SPEF2: variants seen among roughly 807,000 people sequenced by gnomAD.
SPEF2 encodes sperm flagellar and cilia associated 2.
SPEF2 carries 187 observed loss-of-function variants against 224.6 expected under a neutral mutation model. The observed-to-expected ratio is 0.83, with a 90% CI of 0.74 to 0.94. SPEF2 has a LOEUF of 0.94. Ranked by LOEUF, SPEF2 falls within the 40% of genes least tolerant of loss-of-function variation. The pLI, the probability that SPEF2 is intolerant of heterozygous loss-of-function variation, is 0.00. For missense variants in SPEF2, 2,170 were observed against 2,135.6 expected (o/e 1.02, Z -0.32); for synonymous variants, 715 against 707.3 (o/e 1.01, Z -0.17).
intron 16 of SPEF2, chr5:35,702,217 C>T (rs1042302459): frequency 2.2e-6 from 1 of 456,106 alleles, no homozygotes; most frequent in Non-Finnish European, 4.4e-6. Flanking sequence ...TGCAGTTCTG[C>T]AGTGCTCGGG....
At chr5:35,649,691 A>G (rs1351854557) in intron 6 of SPEF2, among the ~76,000 whole-genome samples, 1 of 152,262 alleles carries the variant, frequency 6.6e-6, no homozygotes, top group African/African-American at 2.4e-5. Flanking sequence ...AAGTTCACAC[A>G]TATTTTTTAA....
At position 35,768,077 on chromosome 5, in the gene SPEF2, T is replaced by A. The variant is rs540913543; in HGVS notation, c.3802-3532T>A. 4.6e-5 allele frequency among the ~76,000 whole-genome samples: 7 copies of A among 152,310 alleles called. No homozygotes were observed. The South Asian group carries it at 6.2e-4, about 14-fold the overall frequency. On this transcript the variant is annotated intron_variant, in intron 26 of 36. Coordinates refer to ENST00000356031, the MANE Select transcript of SPEF2 (RefSeq NM_024867.4). ...TGTTTTGTAATCTGTATTTTGTTAG[T>A]TGTTAGTCTGAATACTTAACTAGAT...
chr5:35,644,746 G>C (rs980958535), intron 4 of SPEF2, among the ~76,000 whole-genome samples: 3 of 151,980 alleles, frequency 2.0e-5, no homozygotes, highest in Non-Finnish European at 4.4e-5. Context: ...CTGAGAACAA[G>C]AACTGCCATC....
At chr5:35,785,340 A>G (rs552777435) in intron 30 of SPEF2, among the ~76,000 whole-genome samples, 1 of 146,344 alleles carries the variant, frequency 6.8e-6, no homozygotes, top group South Asian at 2.3e-4. Context: ...ATGTGTCTTC[A>G]GAATGAAACA....
Position 35,704,594 on chromosome 5 carries a change from T to A in SPEF2, c.2439T>A (p.Ser813Arg). Residue 813 changes from serine to arginine, a missense_variant, in exon 17 of 37, where the codon AGT (serine) becomes AGA (arginine). Ser to Arg is a moderately radical substitution (Grantham distance 110). Transcript: ENST00000356031. ...LSYKTAHEDI[S>R]QRVAAENQDK... ...ATAAAACTGCTCACGAAGATATCAG[T>A]CAACGTGTAGCTGCTGAAAACCAAG... 6.2e-7 allele frequency: 1 copy of A among 1,612,956 alleles called. No individual in the cohort carries two copies. The highest frequency in any genetic ancestry group is 1.7e-5 in the Admixed American group (1 of 59,940).
intron 30 of SPEF2, chr5:35,788,585 A>G: frequency 1.4e-6 from 1 of 702,952 alleles, no homozygotes; most frequent in Non-Finnish European, 2.6e-6. Context: ...TCCTCTGGCA[A>G]TAAAAAATGC....
chr5:35,755,755 G>A (rs563429348), intron 24 of SPEF2, among the ~76,000 whole-genome samples: 1,875 of 152,036 alleles, frequency 0.012, 20 homozygotes, highest in Non-Finnish European at 0.02. Context: ...GATTACAGGC[G>A]CCCACCACCA....
At position 35,787,878 on chromosome 5, in the gene SPEF2, C is replaced by T. The variant is rs571413848; in HGVS notation, c.4448-4462C>T. On this transcript the variant is annotated intron_variant, in intron 30 of 36. Transcript: ENST00000356031. Reference sequence around the variant, plus strand: ...AGTTATTTTAAAGGCAGGAATCCTTCGGATGGTGTGAATAGAGTCACCGAA... The same window carrying T: ...AGTTATTTTAAAGGCAGGAATCCTTTGGATGGTGTGAATAGAGTCACCGAA... The T allele has an allele frequency of 4.7e-5, 27 of 576,526 alleles. No individual in the cohort carries two copies. In the African/African-American group the frequency reaches 4.8e-4, roughly 10 times the overall value. 35.7% of individuals were successfully genotyped at this position (576,526 alleles called of 1,614,324 possible). A position where few individuals can be genotyped will look rare whatever the true frequency, so the allele number is the denominator to read the frequency against.
chr5:35,763,243 C>T (rs1483934092), intron 25 of SPEF2, among the ~76,000 whole-genome samples: 3 of 152,178 alleles, frequency 2.0e-5, no homozygotes, highest in East Asian at 3.8e-4. Context: ...ATAATGGCCA[C>T]TGTCTAATCC....
intron 8 of SPEF2, among the ~76,000 whole-genome samples, chr5:35,662,661 C>G (rs1181452085): frequency 6.6e-6 from 1 of 152,074 alleles, no homozygotes; most frequent in African/African-American, 2.4e-5. Flanking sequence ...GCCAGTTATC[C>G]CAGCACCATC....
intron 23 of SPEF2, among the ~76,000 whole-genome samples, chr5:35,752,360 C>T (rs952834169): frequency 3.3e-5 from 5 of 152,136 alleles, no homozygotes; most frequent in African/African-American, 1.2e-4. Context: ...GAAGTCATGG[C>T]TCATTGCAGC....
At chr5:35,728,692 A>G (rs1745094263) in intron 21 of SPEF2, among the ~76,000 whole-genome samples, 5 of 152,212 alleles carry the variant, frequency 3.3e-5, no homozygotes, top group Admixed American at 3.3e-4. Flanking sequence ...CAATGTATTC[A>G]ACACAAACAC....
At chr5:35,742,719 G>T (rs755178481) in intron 23 of SPEF2, among the ~76,000 whole-genome samples, 2 of 151,790 alleles carry the variant, frequency 1.3e-5, no homozygotes, top group Non-Finnish European at 2.9e-5. Context: ...AGCATGCTCT[G>T]TTCCTTACTG....
In SPEF2 at chr5:35,692,605, G is replaced by A. The variant is rs1432928287; in HGVS notation, c.1780G>A (p.Val594Ile). Residue 594 changes from valine (V) to isoleucine (I), a missense_variant, in exon 12 of 37, where the codon GTC becomes ATC. Coordinates refer to ENST00000356031, the MANE Select transcript of SPEF2 (RefSeq NM_024867.4). ...ACAGATACTTTCTATTGACACTCTT[G>A]TCCAAGAAGCTATCCAAGCATTTCA... ...PIQILSIDTL[V>I]QEAIQAFHDN... is the part of the protein sequence containing the mutation. The A allele has an allele frequency of 1.2e-6, 2 of 1,613,080 alleles. No individual in the cohort carries two copies. The highest frequency in any genetic ancestry group is 1.3e-5 in the African/African-American group (1 of 74,976).
intron 10 of SPEF2, among the ~76,000 whole-genome samples, chr5:35,681,906 C>T (rs1752868882): frequency 2.0e-5 from 3 of 152,170 alleles, no homozygotes; most frequent in Non-Finnish European, 4.4e-5. Context: ...AAAATGGACA[C>T]ATCTGGTGAA....
chr5:35,764,237 A>G (rs1210788368), intron 26 of SPEF2, among the ~76,000 whole-genome samples: 1 of 152,122 alleles, frequency 6.6e-6, no homozygotes, highest in Non-Finnish European at 1.5e-5. Flanking sequence ...TCTATTTGGC[A>G]ACCCCTCTGC....
intron 10 of SPEF2, among the ~76,000 whole-genome samples, chr5:35,671,793 T>C: frequency 6.6e-6 from 1 of 151,950 alleles, no homozygotes; most frequent in East Asian, 1.9e-4. Flanking sequence ...TGCAGAAAAT[T>C]GTAAACTTTT....
chr5:35,692,390 G>A (rs552672865), intron 11 of SPEF2, among the ~76,000 whole-genome samples, 180 bp from the exon 12 acceptor site: 3 of 152,230 alleles, frequency 2.0e-5, no homozygotes, highest in South Asian at 2.1e-4. Flanking sequence ...CAGCCTAGGC[G>A]ACAGAGCGAG....
rs1208984321 is a variant in SPEF2 at position 35,806,951 on chromosome 5, A to T, written c.5255A>T (p.Glu1752Val). ...SHLKIENIYA[E>V]GFIKTFQDLG... ...CTAAAGATAGAGAACATTTATGCAG[A>T]GGTTGGTTAAATTATTTTGAAAAAA... Residue 1752 changes from glutamate to valine, a missense_variant and splice_region_variant, in exon 35 of 37, where the codon GAG becomes GTG. Physicochemically the swap from Glu to Val is moderately radical, Grantham distance 121 (BLOSUM62 -2). Transcript: ENST00000356031. The T allele has an allele frequency of 1.3e-6, 2 of 1,590,186 alleles. No homozygotes were observed. The highest frequency in any genetic ancestry group is 2.3e-5 in the South Asian group (2 of 85,846).
Sources: allele counts gnomAD v4.1 joint callset (sites outside exome capture counted in the v4.1 genomes callset), GRCh38; gene constraint gnomAD v4.1.1; transcripts MANE v1.5; gene names NCBI Gene and HGNC (gene_info 2026-07-23, HGNC 2026-07-21).